Variants in NRXN1 observed in about 807,000 individuals in gnomAD.
The protein encoded by NRXN1 is neurexin 1, also known as neurexin-1.
Under a neutral mutation model 150.9 loss-of-function variants are expected in NRXN1, and 39 were observed. The observed-to-expected ratio is 0.26, with a 90% CI of 0.20 to 0.34. The LOEUF is 0.34. Ranked by LOEUF, NRXN1 falls within the 10% of genes least tolerant of loss-of-function variation. The pLI is 1.00. For synonymous variants in NRXN1, 924 were observed against 757.0 expected (o/e 1.22, Z -3.62); for missense variants, 1,815 against 1,949.9 (o/e 0.93, Z 1.30).
chr2:49,941,026 T>G (rs1671885779), intron 22 of NRXN1, among the ~76,000 whole-genome samples: 1 of 152,042 alleles, frequency 6.6e-6, no homozygotes, highest in East Asian at 1.9e-4. Context: ...ATAGAATCAG[T>G]AGCTGGTGTG....
intron 21 of NRXN1, among the ~76,000 whole-genome samples, chr2:50,040,911 A>T (rs112701371): frequency 0.022 from 3,335 of 152,124 alleles, 124 homozygotes; most frequent in African/African-American, 0.076. Flanking sequence ...ACATGTGCAC[A>T]ATGTGCAGGT....
intron 18 of NRXN1, among the ~76,000 whole-genome samples, chr2:50,150,473 T>C (rs2058631909): frequency 6.6e-6 from 1 of 151,768 alleles, no homozygotes. Context: ...TACTGATAAG[T>C]CCACACTCTG....
chr2:51,030,511 T>C (rs1671329733), intron 1 of NRXN1, among the ~76,000 whole-genome samples: 1 of 148,874 alleles, frequency 6.7e-6, no homozygotes, highest in South Asian at 2.1e-4. Flanking sequence ...CCAGATGAAA[T>C]TGATGACTGG....
chr2:50,976,815 C>T (rs913176277), intron 2 of NRXN1, among the ~76,000 whole-genome samples: 5 of 151,926 alleles, frequency 3.3e-5, no homozygotes, highest in African/African-American at 1.2e-4. Flanking sequence ...GATTAAATAA[C>T]ATTCCAAATG....
At chr2:50,383,335 G>A (rs1485725353) in intron 17 of NRXN1, among the ~76,000 whole-genome samples, 2 of 152,112 alleles carry the variant, frequency 1.3e-5, no homozygotes, top group Non-Finnish European at 2.9e-5. Context: ...ATCAGTTAGC[G>A]TAGGAGAAAA....
rs570607900 is a variant in NRXN1 at position 50,101,708 on chromosome 2, C to T, written c.3547-10214G>A. The stretch of plus-strand genomic sequence containing the variant: ...TTTCAGTGCTTCCATTGATATAAGC[C>T]ATAAGCTACATACAGTAAACTGGGA... On this transcript the variant is annotated intron_variant, in intron 18 of 22. Coordinates refer to ENST00000401669, the MANE Select transcript of NRXN1 (RefSeq NM_001330078.2). Among the ~76,000 whole-genome samples, 7 of 152,098 alleles carry T rather than the reference C, an allele frequency of 4.6e-5. No homozygotes were observed. In the South Asian group the frequency reaches 1.2e-3, roughly 27 times the overall value.
chr2:50,402,362 C>T (rs13032292), intron 17 of NRXN1, among the ~76,000 whole-genome samples: 37,584 of 151,446 alleles, frequency 0.25, 4,900 homozygotes, highest in East Asian at 0.43. Flanking sequence ...TTTTTAACAT[C>T]AAAAAAATGT....
At chr2:50,539,973 G>C (rs1002063252) in intron 9 of NRXN1, among the ~76,000 whole-genome samples, 5 of 152,208 alleles carry the variant, frequency 3.3e-5, no homozygotes, top group Admixed American at 2.6e-4. Flanking sequence ...AAGGATGTAA[G>C]GCTGTGGGCC....
chr2:50,366,422 A>G (rs1255909926), intron 17 of NRXN1, among the ~76,000 whole-genome samples: 1 of 151,874 alleles, frequency 6.6e-6, no homozygotes, highest in Non-Finnish European at 1.5e-5. Flanking sequence ...GGGGCTATCA[A>G]CTTAGACAGG....
chr2:50,867,694 C>T (rs1487518271), intron 5 of NRXN1, among the ~76,000 whole-genome samples: 1 of 151,640 alleles, frequency 6.6e-6, no homozygotes, highest in Non-Finnish European at 1.5e-5. Flanking sequence ...TTTTACAAGT[C>T]TAATGTCTCC....
At chr2:50,436,144 C>T (rs1390398088) in intron 17 of NRXN1, among the ~76,000 whole-genome samples, 1 of 152,128 alleles carries the variant, frequency 6.6e-6, no homozygotes, top group Non-Finnish European at 1.5e-5. Flanking sequence ...AGCTCCCCTA[C>T]TATTTAATAT....
At chr2:50,038,107 A>C (rs1690327148) in intron 21 of NRXN1, among the ~76,000 whole-genome samples, 1 of 152,226 alleles carries the variant, frequency 6.6e-6, no homozygotes, top group Admixed American at 6.5e-5. Flanking sequence ...GAGGATAAAG[A>C]AACAGTGAGA....
intron 5 of NRXN1, among the ~76,000 whole-genome samples, chr2:50,690,327 G>C (rs1251054665): frequency 2.0e-5 from 3 of 152,120 alleles, no homozygotes; most frequent in Non-Finnish European, 4.4e-5. Flanking sequence ...GAATATTCCA[G>C]ACATTCATAA....
chr2:50,743,475 T>A (rs1205619026), intron 5 of NRXN1, among the ~76,000 whole-genome samples: 1 of 152,078 alleles, frequency 6.6e-6, no homozygotes, highest in East Asian at 1.9e-4. Context: ...GAAGGGAAGT[T>A]GGGAGAATAT....
At chr2:50,274,494 A>T (rs2070166713) in intron 17 of NRXN1, among the ~76,000 whole-genome samples, 1 of 152,172 alleles carries the variant, frequency 6.6e-6, no homozygotes, top group Non-Finnish European at 1.5e-5. Flanking sequence ...GCAAATCACC[A>T]TGGCACGTGT....
chr2:50,195,022 TA>T lies in NRXN1; in HGVS notation c.3546+41766del, dbSNP rs1283271335. ...AATACGGCCCTGTAGATGAAAGATTTACACAGATCGATTTTCTGTGCCCATT... is the reference window on the plus strand; with the variant it reads ...AATACGGCCCTGTAGATGAAAGATTTCACAGATCGATTTTCTGTGCCCATT... On this transcript the variant is annotated intron_variant, in intron 18 of 22. Coordinates refer to ENST00000401669, the MANE Select transcript of NRXN1 (RefSeq NM_001330078.2). 2.6e-5 allele frequency among the ~76,000 whole-genome samples: 4 copies of T among 152,306 alleles called. No individual in the cohort carries two copies. In the East Asian group the frequency reaches 5.8e-4, roughly 22 times the overall value.
At chr2:50,554,180 A>T (rs1667906254) in intron 8 of NRXN1, among the ~76,000 whole-genome samples, 1 of 152,038 alleles carries the variant, frequency 6.6e-6, no homozygotes, top group Non-Finnish European at 1.5e-5. Context: ...ATGTATACAC[A>T]CATGTATGTT....
intron 19 of NRXN1, among the ~76,000 whole-genome samples, chr2:50,059,310 A>G (rs1409168123): frequency 6.6e-6 from 1 of 152,232 alleles, no homozygotes; most frequent in East Asian, 1.9e-4. Context: ...GAGATGATTT[A>G]GAGTATCTGG....
At chr2:50,912,653 T>A (rs180873782) in intron 5 of NRXN1, among the ~76,000 whole-genome samples, 1 of 151,636 alleles carries the variant, frequency 6.6e-6, no homozygotes, top group African/African-American at 2.4e-5. Flanking sequence ...TGCACTGATG[T>A]TTGAGCAACT....
Sources: allele counts gnomAD v4.1 joint callset (sites outside exome capture counted in the v4.1 genomes callset), GRCh38; gene constraint gnomAD v4.1.1; transcripts MANE v1.5; gene names NCBI Gene and HGNC (gene_info 2026-07-23, HGNC 2026-07-21).